The following RIMBP2 variants were observed in gnomAD, a reference collection of about 807,000 sequenced individuals.
The protein encoded by RIMBP2 is RIMS binding protein 2, also known as RIMS-binding protein 2.
Under a neutral mutation model 118.6 loss-of-function variants are expected in RIMBP2, and 48 were observed. The ratio of observed to expected loss-of-function variants is 0.40; its 90% confidence interval spans 0.32 to 0.51. The LOEUF (loss-of-function observed/expected upper bound fraction) is 0.51, where lower values mean the gene tolerates loss of function less well. Ranked by LOEUF, RIMBP2 falls within the 20% of genes least tolerant of loss-of-function variation. RIMBP2 has a pLI of 0.41. For missense variants in RIMBP2, 1,551 were observed against 1,768.3 expected (o/e 0.88, Z 2.20); for synonymous variants, 762 against 742.9 (o/e 1.03, Z -0.42).
At chr12:130,713,556 A>T (rs2136919575) in intron 1 of RIMBP2, among the ~76,000 whole-genome samples, 1 of 152,352 alleles carries the variant, frequency 6.6e-6, no homozygotes, top group East Asian at 1.9e-4. Flanking sequence ...TGGAGAACAG[A>T]GTTTTCTGGA....
intron 3 of RIMBP2, among the ~76,000 whole-genome samples, chr12:130,507,268 C>CA (rs1413353749): frequency 6.6e-6 from 1 of 152,206 alleles, no homozygotes; most frequent in East Asian, 1.9e-4. Flanking sequence ...GAGATAAACA[C>CA]AGAGAGATGC....
chr12:130,540,903 C>CA (rs1213760032), intron 2 of RIMBP2, among the ~76,000 whole-genome samples: 1 of 152,122 alleles, frequency 6.6e-6, no homozygotes, highest in African/African-American at 2.4e-5. Flanking sequence ...TGATGGGTTT[C>CA]ATGTGGGGGT....
At chr12:130,663,551 C>T (rs4759744) in intron 1 of RIMBP2, among the ~76,000 whole-genome samples, 80,761 of 151,054 alleles carry the variant, frequency 0.53, 22,755 homozygotes, top group Non-Finnish European at 0.62. Flanking sequence ...ACCAAAAAGA[C>T]ACTAAAATGC....
At position 130,623,672 on chromosome 12, in the gene RIMBP2, C is replaced by T. The variant is rs2061454540; in HGVS notation, c.-217+4650G>A. Reference sequence around the variant, plus strand: ...CCATGCACACCAAGCTGGTTACCACCAACACCTGCATTTCTGTGCCTGGGG... The same window carrying T: ...CCATGCACACCAAGCTGGTTACCACTAACACCTGCATTTCTGTGCCTGGGG... On this transcript the variant is annotated intron_variant, in intron 2 of 22. Transcript: ENST00000690449. This position sits in a 1 kb window ranked among gnomAD's most constrained non-coding sequence, Gnocchi z 4.1. Among the ~76,000 whole-genome samples, 3 of 152,294 alleles carry T rather than the reference C, an allele frequency of 2.0e-5. No individual in the cohort carries two copies. The South Asian group carries it at 6.2e-4, about 32-fold the overall frequency.
intron 4 of RIMBP2, among the ~76,000 whole-genome samples, chr12:130,492,739 C>T (rs2138472468): frequency 6.6e-6 from 1 of 152,338 alleles, no homozygotes; most frequent in Non-Finnish European, 1.5e-5. Context: ...AGTTAGGTAC[C>T]TCTCTGAACC....
chr12:130,640,394 G>A (rs2062564748), intron 1 of RIMBP2, among the ~76,000 whole-genome samples: 1 of 152,182 alleles, frequency 6.6e-6, no homozygotes, highest in African/African-American at 2.4e-5. Context: ...CTTATCTTCA[G>A]CCCAATTATT....
At chr12:130,699,661 C>G (rs1265588639) in intron 1 of RIMBP2, among the ~76,000 whole-genome samples, 4 of 151,550 alleles carry the variant, frequency 2.6e-5, no homozygotes, top group Non-Finnish European at 4.4e-5. Context: ...CACACCAACA[C>G]GACACATGTA....
At chr12:130,583,434 CACT>C (rs1436555644) in intron 2 of RIMBP2, among the ~76,000 whole-genome samples, 6 of 128,812 alleles carry the variant, frequency 4.7e-5, no homozygotes, top group Non-Finnish European at 1.1e-4. Flanking sequence ...TCACCTTCAT[CACT>C]ACTATTACAT....
intron 19 of RIMBP2, among the ~76,000 whole-genome samples, chr12:130,409,332 CTTTTTTTTTT>C (rs35015661): frequency 6.1e-5 from 4 of 65,402 alleles, no homozygotes; most frequent in Non-Finnish European, 8.7e-5. Context: ...CAAAATGTAG[CTTTTTTTTTT>C]TTTTTTTTTT....
chr12:130,610,889 C>T (rs1489263264), intron 2 of RIMBP2, among the ~76,000 whole-genome samples: 2 of 152,174 alleles, frequency 1.3e-5, no homozygotes, highest in African/African-American at 4.8e-5. Context: ...ACTGTCACCT[C>T]CCCCCAGTAA....
chr12:130,651,123 G>A (rs1353976992), intron 1 of RIMBP2, among the ~76,000 whole-genome samples: 2 of 152,092 alleles, frequency 1.3e-5, no homozygotes, highest in Non-Finnish European at 2.9e-5. Context: ...GCTTCTTAAA[G>A]CATCTCTACC....
chr12:130,542,685 A>G (rs924759982), intron 2 of RIMBP2, among the ~76,000 whole-genome samples: 24 of 152,188 alleles, frequency 1.6e-4, no homozygotes, highest in Non-Finnish European at 3.1e-4. Context: ...GCAGCCCAAC[A>G]AGACACATAC....
intron 1 of RIMBP2, among the ~76,000 whole-genome samples, chr12:130,649,166 A>G (rs866629973): frequency 6.9e-6 from 1 of 145,948 alleles, no homozygotes; most frequent in Non-Finnish European, 1.6e-5. Flanking sequence ...AGCTATGGAC[A>G]AGAGAGCAAC....
intron 2 of RIMBP2, among the ~76,000 whole-genome samples, chr12:130,588,258 A>G (rs542895323): frequency 1.3e-5 from 2 of 151,916 alleles, no homozygotes; most frequent in East Asian, 3.9e-4. Flanking sequence ...TCCCCAACCC[A>G]CTGACAAGCA....
rs565562457 is a variant in RIMBP2 at position 130,449,348 on chromosome 12, C to T, written c.581+852G>A. ...GGGACCTCTCATCCTTGCCCACGTC[C>T]GCCTCTGCGGAAGCTCCCGTGGAGG... On this transcript the variant is annotated intron_variant, in intron 9 of 22. Transcript: ENST00000690449. Among the ~76,000 whole-genome samples, 75 of 152,354 alleles carry T rather than the reference C, an allele frequency of 4.9e-4. 3 individuals carry two copies. Among genetic ancestry groups the T allele is most frequent in the Admixed American group, 4.8e-3 (73 of 15,308 alleles).
At position 130,469,617 on chromosome 12, in the gene RIMBP2, G is replaced by GA. The variant is rs1183845851; in HGVS notation, c.153+1075dup. 6.6e-6 allele frequency among the ~76,000 whole-genome samples: 1 copy of GA among 152,170 alleles called. No homozygotes were observed. Among genetic ancestry groups the GA allele is most frequent in the African/African-American group, 2.4e-5 (1 of 41,434 alleles). On this transcript the variant is annotated intron_variant, in intron 6 of 22. Coordinates refer to ENST00000690449, the MANE Select transcript of RIMBP2 (RefSeq NM_001393629.1). This position sits in a 1 kb window ranked among gnomAD's most constrained non-coding sequence, Gnocchi z 4.8. ...AGTCATTAACTAATGGAGGCTTTCA[G>GA]AAAATCCATTTTAATATATAGGATG...
At chr12:130,582,510 G>A (rs578069709) in intron 2 of RIMBP2, among the ~76,000 whole-genome samples, 107 of 152,296 alleles carry the variant, frequency 7.0e-4, no homozygotes, top group African/African-American at 2.5e-3. Flanking sequence ...GAGGGATGAC[G>A]CATGGCACCA....
At chr12:130,499,001 T>C (rs975589486) in intron 4 of RIMBP2, among the ~76,000 whole-genome samples, 2 of 152,184 alleles carry the variant, frequency 1.3e-5, no homozygotes, top group African/African-American at 4.8e-5. Context: ...TTTAACTGAC[T>C]CACAGTTCCT....
intron 2 of RIMBP2, among the ~76,000 whole-genome samples, chr12:130,604,034 C>A (rs1319985085): frequency 6.6e-6 from 1 of 152,152 alleles, no homozygotes; most frequent in East Asian, 1.9e-4. Flanking sequence ...GTGCTTTGCC[C>A]CTGGAGACCT....
Sources: gnomAD v4.1 joint callset for allele counts (sites outside exome capture counted in the v4.1 genomes callset) on GRCh38, gnomAD v4.1.1 for gene constraint, Gnocchi (gnomAD v3.1) non-coding constraint, MANE v1.5 for transcripts, NCBI Gene and HGNC (gene_info 2026-07-23, HGNC 2026-07-21) for gene names.